The following CDK6 variants were observed in gnomAD, a reference collection of about 807,000 sequenced individuals.
CDK6 encodes the protein cyclin dependent kinase 6, also known as cyclin-dependent kinase 6.
A neutral mutation model predicts 37.1 loss-of-function variants in CDK6; 6 were observed. That is an observed-to-expected ratio of 0.16 (90% confidence interval 0.09 to 0.32). CDK6 has a LOEUF of 0.32. CDK6 is among the 10% of genes least tolerant of loss of function. The pLI, the probability that CDK6 is intolerant of heterozygous loss-of-function variation, is 1.00. For synonymous variants in CDK6, 160 were observed against 161.3 expected, an observed-to-expected ratio of 0.99 and a Z score of 0.06; for missense variants, 224 against 418.9, an observed-to-expected ratio of 0.53 and a Z score of 4.06.
In CDK6 at chr7:92,611,491, TATG is replaced by T; in HGVS notation, c.*3646_*3648del. On this transcript the variant is annotated 3_prime_UTR_variant, in exon 8 of 8. Transcript: ENST00000424848. ...TATTTTAGAAGAATTTTAATATGTTTATGATATTAGGAAGCTTACATAATTTAA... is the reference window on the plus strand; with the variant it reads ...TATTTTAGAAGAATTTTAATATGTTTATATTAGGAAGCTTACATAATTTAA... 4.4e-6 allele frequency: 1 copy of T among 227,770 alleles called. No individual in the cohort carries two copies. The highest frequency in any genetic ancestry group is 8.7e-6 in the Non-Finnish European group (1 of 114,692). 14.1% of individuals were successfully genotyped at this position (227,770 alleles called of 1,614,324 possible).
intron 4 of CDK6, among the ~76,000 whole-genome samples, chr7:92,673,837 G>T (rs1797144338): frequency 6.6e-6 from 1 of 151,830 alleles, no homozygotes; most frequent in South Asian, 2.1e-4. Flanking sequence ...GAGTGCAGTG[G>T]CATGATCTCA....
chr7:92,751,245 T>A (rs575746461), intron 3 of CDK6, among the ~76,000 whole-genome samples: 26 of 152,272 alleles, frequency 1.7e-4, no homozygotes, highest in African/African-American at 6.3e-4. Flanking sequence ...CAAGAAAAAC[T>A]GCTAAGAAGT....
intron 5 of CDK6, among the ~76,000 whole-genome samples, chr7:92,631,290 G>A (rs1207403293): frequency 6.6e-6 from 1 of 152,058 alleles, no homozygotes; most frequent in African/African-American, 2.4e-5. Flanking sequence ...AGGCAAACTG[G>A]GATGGTTGGT....
At chr7:92,717,359 G>A (rs1287230993) in intron 4 of CDK6, among the ~76,000 whole-genome samples, 3 of 141,830 alleles carry the variant, frequency 2.1e-5, no homozygotes, top group Non-Finnish European at 4.6e-5. Context: ...AAAGGGGAAA[G>A]GAAAGGGAAA....
Position 92,833,063 on chromosome 7 carries a change from AT to A in CDK6, c.233+27del. ...CCTCCCCGCGCGCGCGAGGCCCCAG[AT>A]GGCGAGGGCGCAGCTCCCTGGCTCA... On this transcript the variant is annotated intron_variant, in intron 2 of 7. Coordinates refer to ENST00000424848, the MANE Select transcript of CDK6 (RefSeq NM_001145306.2). The surrounding 1 kb of genome is among the most constrained non-coding windows in gnomAD (Gnocchi z 6.1). The A allele has an allele frequency of 2.0e-6, 3 of 1,493,598 alleles. No homozygotes were observed. Among genetic ancestry groups the A allele is most frequent in the Non-Finnish European group, 2.7e-6 (3 of 1,106,148 alleles). The allele number at this position is 1,493,598 out of a possible 1,614,324, so 92.5% of individuals were successfully genotyped here. A position where few individuals can be genotyped will look rare whatever the true frequency, so the allele number is the denominator to read the frequency against.
intron 5 of CDK6, among the ~76,000 whole-genome samples, chr7:92,647,077 G>A (rs754027089): frequency 6.6e-5 from 10 of 152,192 alleles, no homozygotes; most frequent in Non-Finnish European, 1.3e-4. Context: ...GCTACTCACA[G>A]AGTGATGGGC....
At chr7:92,718,431 C>T (rs1045606811) in intron 4 of CDK6, among the ~76,000 whole-genome samples, 1 of 152,194 alleles carries the variant, frequency 6.6e-6, no homozygotes, top group African/African-American at 2.4e-5. Flanking sequence ...AGGCACAAAC[C>T]CTGCCAGGTC....
intron 2 of CDK6, among the ~76,000 whole-genome samples, chr7:92,781,798 T>C (rs1043096939): frequency 2.0e-5 from 3 of 152,224 alleles, no homozygotes; most frequent in Non-Finnish European, 4.4e-5. Flanking sequence ...AGCCAGTATT[T>C]GGAATCGAGA....
intron 5 of CDK6, among the ~76,000 whole-genome samples, chr7:92,663,185 A>G (rs1796876026): frequency 6.6e-6 from 1 of 152,186 alleles, no homozygotes; most frequent in South Asian, 2.1e-4. Flanking sequence ...GGTATATGAT[A>G]TGTGATAGAA....
intron 4 of CDK6, among the ~76,000 whole-genome samples, chr7:92,717,797 T>C (rs1029644356): frequency 6.6e-6 from 1 of 152,228 alleles, no homozygotes; most frequent in African/African-American, 2.4e-5. Context: ...GCAAATCCAC[T>C]TGGTGCAATT....
At chr7:92,664,370 A>G (rs1270982028) in intron 5 of CDK6, among the ~76,000 whole-genome samples, 1 of 152,158 alleles carries the variant, frequency 6.6e-6, no homozygotes. Flanking sequence ...TCAGCTTGTG[A>G]AGGACCTCAT....
intron 2 of CDK6, among the ~76,000 whole-genome samples, chr7:92,797,675 T>A (rs935576405): frequency 2.6e-5 from 4 of 152,214 alleles, no homozygotes; most frequent in African/African-American, 9.6e-5. Flanking sequence ...ACTTTTAACC[T>A]ATAAGAATAA....
At chr7:92,804,594 T>C (rs1205325800) in intron 2 of CDK6, among the ~76,000 whole-genome samples, 2 of 152,210 alleles carry the variant, frequency 1.3e-5, no homozygotes, top group African/African-American at 2.4e-5. Context: ...TTGTTAATGC[T>C]AGATGGTTGG....
chr7:92,810,747 A>G (rs1262418641), intron 2 of CDK6, among the ~76,000 whole-genome samples: 5 of 152,226 alleles, frequency 3.3e-5, no homozygotes, highest in Non-Finnish European at 7.3e-5. Flanking sequence ...GCAGAATTCA[A>G]TAGTAAAGGG....
chr7:92,709,060 C>T (rs1798028796), intron 4 of CDK6, among the ~76,000 whole-genome samples: 1 of 151,956 alleles, frequency 6.6e-6, no homozygotes, highest in Non-Finnish European at 1.5e-5. Flanking sequence ...AACATGTTTT[C>T]CCCGGATCTA....
At chr7:92,747,472 T>C (rs1380302830) in intron 3 of CDK6, among the ~76,000 whole-genome samples, 2 of 152,232 alleles carry the variant, frequency 1.3e-5, no homozygotes, top group East Asian at 3.8e-4. Flanking sequence ...TCTCTCCTGC[T>C]TAACTGGCTT....
intron 2 of CDK6, among the ~76,000 whole-genome samples, chr7:92,791,970 G>C (rs926092193): frequency 6.6e-6 from 1 of 152,122 alleles, no homozygotes; most frequent in Admixed American, 6.6e-5. Flanking sequence ...TTATCTTATG[G>C]GCACTGGGAA....
At chr7:92,806,252 C>T (rs1419106859) in intron 2 of CDK6, among the ~76,000 whole-genome samples, 1 of 152,128 alleles carries the variant, frequency 6.6e-6, no homozygotes, top group African/African-American at 2.4e-5. Context: ...TCTTCCTATA[C>T]TTATGAATAT....
intron 4 of CDK6, among the ~76,000 whole-genome samples, chr7:92,681,588 G>T (rs1028342333): frequency 2.0e-5 from 3 of 152,182 alleles, no homozygotes; most frequent in African/African-American, 7.2e-5. Flanking sequence ...TACCATGTTA[G>T]TCCTGGACAG....
Sources: gnomAD v4.1 joint callset for allele counts (sites outside exome capture counted in the v4.1 genomes callset) on GRCh38, gnomAD v4.1.1 for gene constraint, Gnocchi (gnomAD v3.1) non-coding constraint, MANE v1.5 for transcripts, NCBI Gene and HGNC (gene_info 2026-07-23, HGNC 2026-07-21) for gene names.